Variants in DIP2C observed in about 807,000 individuals in gnomAD.
DIP2C encodes the protein disco-interacting protein 2 homolog C.
In DIP2C, 33 loss-of-function variants were observed where a neutral mutation model predicts 192.4. The ratio of observed to expected loss-of-function variants is 0.17; its 90% CI spans 0.13 to 0.23. The LOEUF (loss-of-function observed/expected upper bound fraction) is 0.23. Ranked by LOEUF, DIP2C falls within the 10% of genes least tolerant of loss-of-function variation. The pLI is 1.00. For synonymous variants in DIP2C, 979 were observed against 864.1 expected, an observed-to-expected ratio of 1.13 and a Z score of -2.33; for missense variants, 1,537 against 2,110.1, an observed-to-expected ratio of 0.73 and a Z score of 5.32.
At chr10:560,338 G>A (rs780898542) in intron 1 of DIP2C, among the ~76,000 whole-genome samples, 2 of 151,626 alleles carry the variant, frequency 1.3e-5, no homozygotes, top group African/African-American at 4.9e-5. Flanking sequence ...GCGGCTGGAA[G>A]ACAAAAGCTG....
intron 2 of DIP2C, among the ~76,000 whole-genome samples, chr10:473,668 G>A (rs1388979498): frequency 6.6e-6 from 1 of 152,228 alleles, no homozygotes; most frequent in Non-Finnish European, 1.5e-5. Flanking sequence ...GTCATCCTAC[G>A]TCGTCCCCAC....
intron 1 of DIP2C, among the ~76,000 whole-genome samples, chr10:550,805 C>T (rs536970347): frequency 6.6e-6 from 1 of 152,344 alleles, no homozygotes; most frequent in South Asian, 2.1e-4. Flanking sequence ...CAGGAAGCAA[C>T]AGGGAAGCAA....
chr10:413,380 G>A (rs186230751), intron 8 of DIP2C, among the ~76,000 whole-genome samples: 117 of 152,326 alleles, frequency 7.7e-4, no homozygotes, highest in African/African-American at 2.3e-3. Flanking sequence ...ATACCAGAAA[G>A]TTTAGATAGA....
At chr10:573,795 G>A (rs1849975059) in intron 1 of DIP2C, among the ~76,000 whole-genome samples, 2 of 151,934 alleles carry the variant, frequency 1.3e-5, no homozygotes, top group South Asian at 4.2e-4. Flanking sequence ...TTGTGTAAGA[G>A]AAAGAAACCA....
rs1589760711 is a variant in DIP2C, at chr10:422,923, G to A, written c.505C>T (p.His169Tyr). ...NMEHWISQAIHGSTTSTTSSS... is the reference protein window; with the variant it reads ...NMEHWISQAIYGSTTSTTSSS... ...GAGGTGGTGGACGTGGTGGAGCCGT[G>A]GATGGCCTGGCTGATCCAGTGCTCC... is the stretch of plus-strand genomic sequence containing the variant. The change falls in exon 5 of 37, where the codon CAC (histidine) becomes TAC (tyrosine). Residue 169 changes from histidine to tyrosine, a missense_variant. His to Tyr is a moderately conservative substitution (Grantham distance 83). Transcript: ENST00000280886. The A allele has an allele frequency of 1.2e-6, 2 of 1,614,112 alleles. No individual in the cohort carries two copies. Among genetic ancestry groups the A allele is most frequent in the South Asian group, 1.1e-5 (1 of 91,080 alleles).
intron 32 of DIP2C, 138 bp downstream of exon 32, chr10:309,893 C>T (rs575613717): frequency 1.2e-6 from 1 of 824,992 alleles, no homozygotes; most frequent in South Asian, 1.9e-5. Flanking sequence ...CTAACTCCAC[C>T]ACTTCACTCA....
In DIP2C at chr10:523,324, G is replaced by A. The variant is rs74115035; in HGVS notation, c.86-36794C>T. Among the ~76,000 whole-genome samples, 473 of 146,800 alleles carry A rather than the reference G, an allele frequency of 3.2e-3. 5 individuals carry two copies. The highest frequency in any genetic ancestry group is 0.011 in the African/African-American group (441 of 38,460). On this transcript the variant is annotated intron_variant, in intron 1 of 36. Coordinates refer to ENST00000280886, the MANE Select transcript of DIP2C (RefSeq NM_014974.3). Reference sequence around the variant, plus strand: ...GGGACTCTGTGTGACCCACACACTCGTTTCTACCGGATGCAAAGGACCCTG... The same window carrying A: ...GGGACTCTGTGTGACCCACACACTCATTTCTACCGGATGCAAAGGACCCTG...
chr10:650,909 G>A (rs949909061), intron 1 of DIP2C: 78 of 716,940 alleles, frequency 1.1e-4, no homozygotes, highest in Middle Eastern at 4.6e-4. Flanking sequence ...GGGGGAAGCT[G>A]AGGGTGTGTC....
chr10:593,419 C>G (rs1354962448), intron 1 of DIP2C, among the ~76,000 whole-genome samples: 1 of 151,782 alleles, frequency 6.6e-6, no homozygotes, highest in African/African-American at 2.4e-5. Flanking sequence ...CACACCTCAC[C>G]CCCGCTGTCT....
At chr10:588,472 T>C (rs973296730) in intron 1 of DIP2C, among the ~76,000 whole-genome samples, 4 of 152,250 alleles carry the variant, frequency 2.6e-5, no homozygotes, top group African/African-American at 9.6e-5. Context: ...GCACTCATGC[T>C]GGAATGAGAG....
At chr10:648,818 G>T (rs1855667153) in intron 1 of DIP2C, among the ~76,000 whole-genome samples, 1 of 150,306 alleles carries the variant, frequency 6.7e-6, no homozygotes, top group African/African-American at 2.4e-5. Context: ...GGGAAACTGA[G>T]TCCACGTCCA....
At chr10:377,858 T>C (rs988124834) in intron 17 of DIP2C, among the ~76,000 whole-genome samples, 26 of 152,244 alleles carry the variant, frequency 1.7e-4, no homozygotes, top group Admixed American at 5.2e-4. Flanking sequence ...TGTTTCATTG[T>C]TTTATATGAT....
chr10:453,056 T>C (rs183190363), intron 3 of DIP2C, among the ~76,000 whole-genome samples: 3 of 152,318 alleles, frequency 2.0e-5, no homozygotes, highest in Admixed American at 2.0e-4. Flanking sequence ...GAAGAGCTCA[T>C]AAGATGAAGA....
intron 22 of DIP2C, among the ~76,000 whole-genome samples, chr10:360,281 C>T (rs1476430362): frequency 6.6e-6 from 1 of 152,160 alleles, no homozygotes; most frequent in Non-Finnish European, 1.5e-5. Flanking sequence ...CTGTTCTTGG[C>T]AGCAGCTGAC....
intron 1 of DIP2C, among the ~76,000 whole-genome samples, chr10:559,974 C>G (rs12572985): frequency 0.092 from 13,187 of 142,876 alleles, 728 homozygotes; most frequent in East Asian, 0.2. Context: ...CTCTCCCCCC[C>G]ACTCCTGTTC....
At chr10:296,962 T>C (rs973447887) in intron 32 of DIP2C, among the ~76,000 whole-genome samples, 45 of 151,138 alleles carry the variant, frequency 3.0e-4, no homozygotes, top group South Asian at 8.4e-4. Flanking sequence ...GGGTGCAGCA[T>C]ACCAACGTGG....
At chr10:659,088 A>ACATG (rs1856592209) in intron 1 of DIP2C, among the ~76,000 whole-genome samples, 1 of 152,226 alleles carries the variant, frequency 6.6e-6, no homozygotes, top group Admixed American at 6.5e-5. Context: ...ACTCAAACAC[A>ACATG]CATGCATATA....
At chr10:581,845 TCTA>T (rs1850685995) in intron 1 of DIP2C, among the ~76,000 whole-genome samples, 3 of 152,206 alleles carry the variant, frequency 2.0e-5, no homozygotes, top group South Asian at 2.1e-4. Flanking sequence ...AGTCCAAAAA[TCTA>T]CTGACATCTT....
intron 36 of DIP2C, among the ~76,000 whole-genome samples, chr10:279,387 C>G (rs1242015670): frequency 6.6e-6 from 1 of 152,170 alleles, no homozygotes; most frequent in African/African-American, 2.4e-5. Context: ...CCGGAGGAAT[C>G]AGCTTGGCTC....
Sources: gnomAD v4.1 joint callset for allele counts (sites outside exome capture counted in the v4.1 genomes callset) on GRCh38, gnomAD v4.1.1 for gene constraint, MANE v1.5 for transcripts, NCBI Gene and HGNC (gene_info 2026-07-23, HGNC 2026-07-21) for gene names.